PLOD2: variants seen among roughly 807,000 people sequenced by gnomAD.
The protein encoded by PLOD2 is lysine hydroxylase 2.
In PLOD2, 65 loss-of-function variants were observed where a neutral mutation model predicts 101.0. That is an observed-to-expected ratio of 0.64 (90% CI 0.53 to 0.79). The LOEUF is 0.79. Ranked by LOEUF, PLOD2 falls within the 30% of genes least tolerant of loss-of-function variation. The probability of loss-of-function intolerance (pLI) is 0.00; values close to 1 mark genes in which losing one functional copy is unlikely to be tolerated. For synonymous variants in PLOD2, 314 were observed against 302.9 expected (o/e 1.04, Z -0.38); for missense variants, 909 against 914.6 (o/e 0.99, Z 0.08).
At chr3:146,149,919 G>A (rs2031978712) in intron 1 of PLOD2, among the ~76,000 whole-genome samples, 1 of 151,932 alleles carries the variant, frequency 6.6e-6, no homozygotes, top group African/African-American at 2.4e-5. Context: ...GGAAACAGTA[G>A]GAAAAATAGC....
At chr3:146,141,429 G>A (rs1271801349) in intron 1 of PLOD2, among the ~76,000 whole-genome samples, 2 of 152,138 alleles carry the variant, frequency 1.3e-5, no homozygotes, top group East Asian at 1.9e-4. Context: ...AGATTGAGAT[G>A]GGGAAAGAAA....
intron 11 of PLOD2, among the ~76,000 whole-genome samples, chr3:146,083,983 T>A (rs541791738): frequency 6.6e-6 from 1 of 151,890 alleles, no homozygotes; most frequent in South Asian, 2.1e-4. Context: ...AAGAGAATAA[T>A]TAATAAATAT....
chr3:146,100,449 G>A (rs1400684535), intron 7 of PLOD2, among the ~76,000 whole-genome samples: 2 of 152,142 alleles, frequency 1.3e-5, no homozygotes, highest in African/African-American at 4.8e-5. Flanking sequence ...GATACATACT[G>A]TAACAGAAGT....
chr3:146,090,620 C>G (rs546920055), intron 8 of PLOD2, among the ~76,000 whole-genome samples: 293 of 151,808 alleles, frequency 1.9e-3, no homozygotes, highest in Non-Finnish European at 3.5e-3. Flanking sequence ...AGATAGGAAA[C>G]AGTTTGCTAT....
chr3:146,101,371 A>T (rs1487473588), intron 7 of PLOD2, among the ~76,000 whole-genome samples: 1 of 152,232 alleles, frequency 6.6e-6, no homozygotes, highest in Admixed American at 6.5e-5. Flanking sequence ...TAAAATTTTT[A>T]AAATAAATAT....
chr3:146,138,273 A>G (rs2031347688), intron 1 of PLOD2, among the ~76,000 whole-genome samples: 1 of 152,076 alleles, frequency 6.6e-6, no homozygotes, highest in Non-Finnish European at 1.5e-5. Flanking sequence ...TCAGCATTCA[A>G]GACAGGACAA....
intron 11 of PLOD2, 43 bp downstream of exon 11, chr3:146,085,125 AT>A (rs1251403051): frequency 1.1e-6 from 1 of 913,604 alleles, no homozygotes; most frequent in Non-Finnish European, 1.8e-6. Flanking sequence ...AATATGAAAA[AT>A]AATCATTTTA....
chr3:146,129,601 A>G (rs2030786940), intron 1 of PLOD2, among the ~76,000 whole-genome samples: 1 of 152,170 alleles, frequency 6.6e-6, no homozygotes, highest in Admixed American at 6.5e-5. Context: ...AGCAGTCGAC[A>G]CAAACTCCTA....
At chr3:146,071,201 AT>A in intron 18 of PLOD2, 34 bp from the exon 19 acceptor site, 2 of 1,610,764 alleles carry the variant, frequency 1.2e-6, no homozygotes, top group Non-Finnish European at 1.7e-6. Context: ...GGATTTGCTT[AT>A]TAATAAAAAC....
intron 3 of PLOD2, among the ~76,000 whole-genome samples, chr3:146,116,275 G>A (rs533749504): frequency 3.3e-5 from 5 of 151,040 alleles, no homozygotes; most frequent in Middle Eastern, 3.4e-3. Context: ...ACACACACAC[G>A]CACACACACA....
At chr3:146,101,930 C>G (rs1443023174) in intron 7 of PLOD2, among the ~76,000 whole-genome samples, 2 of 152,180 alleles carry the variant, frequency 1.3e-5, no homozygotes, top group South Asian at 2.1e-4. Context: ...GAATCTACTT[C>G]TTTCAGTTTG....
rs1490374244 is a variant in PLOD2, at chr3:146,120,287, C to G, written c.338+825G>C. ...CATCCTTCACACACTTTTTGATGGC[C>G]CTATTTGTTTTTTTCTTGTAAATTT... On this transcript the variant is annotated intron_variant, in intron 3 of 19. Transcript: ENST00000282903. Among the ~76,000 whole-genome samples the G allele has an allele frequency of 4.6e-5, 7 of 151,832 alleles. No individual in the cohort carries two copies. The South Asian group carries it at 1.0e-3, about 23-fold the overall frequency.
At chr3:146,085,387 C>A (rs1388305911) in intron 10 of PLOD2, 114 bp from the exon 11 acceptor site, 2 of 691,594 alleles carry the variant, frequency 2.9e-6, no homozygotes, top group East Asian at 2.7e-5. Context: ...GCATACTTTT[C>A]TGATCAAAAT....
intron 1 of PLOD2, among the ~76,000 whole-genome samples, chr3:146,153,178 A>C (rs778172869): frequency 2.0e-5 from 3 of 152,224 alleles, no homozygotes; most frequent in Non-Finnish European, 2.9e-5. Flanking sequence ...CGCCCTCTTC[A>C]TAACAACAGC....
At chr3:146,077,698 A>G (rs1391856764) in intron 14 of PLOD2, 164 bp downstream of exon 14, 2 of 555,698 alleles carry the variant, frequency 3.6e-6, no homozygotes, top group Non-Finnish European at 6.3e-6. Flanking sequence ...CACAAGACCC[A>G]TGCCCAAGTC....
At chr3:146,156,906 T>A (rs916078931) in intron 1 of PLOD2, among the ~76,000 whole-genome samples, 17 of 152,142 alleles carry the variant, frequency 1.1e-4, no homozygotes, top group African/African-American at 3.4e-4. Flanking sequence ...CAAATCTCCA[T>A]TTCACCACCA....
Position 146,071,176 on chromosome 3 carries a change from G to A in PLOD2, c.1996-9C>T. ...TTCAGTAGTGCAAATCCCTGAAAAAGCAAAGTAAGCCAGTGGATTTGCTTA... is the reference window on the plus strand; with the variant it reads ...TTCAGTAGTGCAAATCCCTGAAAAAACAAAGTAAGCCAGTGGATTTGCTTA... On this transcript the variant is annotated splice_polypyrimidine_tract_variant and intron_variant, in intron 18 of 19. Transcript: ENST00000282903. 6.2e-7 allele frequency: 1 copy of A among 1,610,990 alleles called. No individual in the cohort carries two copies. Among genetic ancestry groups the A allele is most frequent in the Non-Finnish European group, 8.5e-7 (1 of 1,178,112 alleles).
intron 7 of PLOD2, among the ~76,000 whole-genome samples, chr3:146,092,128 C>T (rs963992847): frequency 1.3e-5 from 2 of 151,508 alleles, no homozygotes; most frequent in African/African-American, 4.8e-5. Flanking sequence ...TCTTATAAAT[C>T]ATAAAGGTCA....
intron 8 of PLOD2, among the ~76,000 whole-genome samples, chr3:146,089,181 T>C (rs942318683): frequency 5.3e-5 from 8 of 151,626 alleles, no homozygotes; most frequent in Non-Finnish European, 1.2e-4. Context: ...GACTTTATCC[T>C]TTTATTTCCT....
Sources: gnomAD v4.1 joint callset for allele counts (sites outside exome capture counted in the v4.1 genomes callset) on GRCh38, gnomAD v4.1.1 for gene constraint, MANE v1.5 for transcripts, NCBI Gene and HGNC (gene_info 2026-07-23, HGNC 2026-07-21) for gene names.